The following BMPR1B variants were observed in gnomAD, a reference collection of about 807,000 sequenced individuals.
BMPR1B encodes the protein bone morphogenetic protein receptor type 1B, also known as bone morphogenetic protein receptor type-1B.
In BMPR1B, 12 loss-of-function variants were observed where a neutral mutation model predicts 59.1. The ratio of observed to expected loss-of-function variants is 0.20; its 90% CI spans 0.13 to 0.33. The LOEUF (loss-of-function observed/expected upper bound fraction) is 0.33. Ranked by LOEUF, BMPR1B falls within the 10% of genes least tolerant of loss-of-function variation. The pLI, the probability that BMPR1B is intolerant of heterozygous loss-of-function variation, is 1.00. For missense variants in BMPR1B, 550 were observed against 610.9 expected, an observed-to-expected ratio of 0.90 and a Z score of 1.05; for synonymous variants, 237 against 207.3, an observed-to-expected ratio of 1.14 and a Z score of -1.23.
At chr4:95,149,898 GCTT>G (rs1261130405) in intron 11 of BMPR1B, among the ~76,000 whole-genome samples, 10 of 152,296 alleles carry the variant, frequency 6.6e-5, no homozygotes, top group Non-Finnish European at 1.3e-4. Flanking sequence ...TATTGTATCT[GCTT>G]CTGTGGTTGT....
chr4:94,934,359 T>C (rs1158064326), intron 2 of BMPR1B, among the ~76,000 whole-genome samples: 3 of 152,090 alleles, frequency 2.0e-5, no homozygotes, highest in African/African-American at 7.2e-5. Context: ...ACTAATCAAC[T>C]GGAGTTTTTC....
intron 1 of BMPR1B, among the ~76,000 whole-genome samples, chr4:94,870,260 T>C (rs1009847431): frequency 6.6e-6 from 1 of 152,162 alleles, no homozygotes; most frequent in Non-Finnish European, 1.5e-5. Flanking sequence ...TCTTGAAGAA[T>C]AGGTTTTTGG....
rs143515189 is a variant in BMPR1B at position 95,146,318 on chromosome 4, T to A, written c.1077-2430T>A. On this transcript the variant is annotated intron_variant, in intron 10 of 12. Transcript: ENST00000515059. ...ACATTCAGAATCCTTGAGTGTATGT[T>A]TTTGCAGTGTTTGAGAAAAAGAATT... Among the ~76,000 whole-genome samples the A allele has an allele frequency of 1.1e-3, 169 of 152,296 alleles. 5 individuals carry two copies. In the East Asian group the frequency reaches 0.03, roughly 27 times the overall value.
At chr4:95,075,284 C>CT (rs1242688269) in intron 3 of BMPR1B, among the ~76,000 whole-genome samples, 4 of 152,230 alleles carry the variant, frequency 2.6e-5, no homozygotes, top group Admixed American at 2.6e-4. Flanking sequence ...TTCACAGTAA[C>CT]TTAGTAAATA....
intron 1 of BMPR1B, among the ~76,000 whole-genome samples, chr4:94,826,384 C>T (rs2110662767): frequency 7.8e-6 from 1 of 128,756 alleles, no homozygotes; most frequent in East Asian, 2.6e-4. Context: ...TGTTTTAAAG[C>T]TCACTCGGGC....
At chr4:94,813,659 T>C (rs1723903531) in intron 1 of BMPR1B, among the ~76,000 whole-genome samples, 1 of 152,084 alleles carries the variant, frequency 6.6e-6, no homozygotes, top group African/African-American at 2.4e-5. Flanking sequence ...TGTAAAAGGA[T>C]AGGTTGAGCC....
chr4:94,758,527 G>C (rs796691052), intron 1 of BMPR1B, among the ~76,000 whole-genome samples: 1 of 151,192 alleles, frequency 6.6e-6, no homozygotes. Context: ...GGAGCCCGGC[G>C]GGGCGGGGGC....
intron 3 of BMPR1B, among the ~76,000 whole-genome samples, chr4:95,081,887 C>T (rs866110787): frequency 6.6e-6 from 1 of 152,024 alleles, no homozygotes; most frequent in African/African-American, 2.4e-5. Flanking sequence ...TTAAATTAGA[C>T]GTTAAAGAGT....
intron 3 of BMPR1B, among the ~76,000 whole-genome samples, chr4:95,074,873 C>CGT (rs1728585609): frequency 6.6e-6 from 1 of 151,922 alleles, no homozygotes; most frequent in African/African-American, 2.4e-5. Context: ...AGAAAAGTTA[C>CGT]ATGCCTGCTC....
chr4:95,059,210 T>C (rs553026794), intron 3 of BMPR1B, among the ~76,000 whole-genome samples: 4 of 152,198 alleles, frequency 2.6e-5, no homozygotes, highest in African/African-American at 9.6e-5. Flanking sequence ...AAGAGTTCCA[T>C]TGTGACATGT....
Position 94,799,426 on chromosome 4 carries a change from C to T in BMPR1B, c.-183+41358C>T, listed in dbSNP as rs141712881. Among the ~76,000 whole-genome samples, 824 of 151,312 alleles carry T rather than the reference C, an allele frequency of 5.4e-3. 4 individuals are homozygous for T. The highest frequency in any genetic ancestry group is 0.019 in the African/African-American group (773 of 41,176). On this transcript the variant is annotated intron_variant, in intron 1 of 12. Coordinates refer to ENST00000515059, the MANE Select transcript of BMPR1B (RefSeq NM_001203.3). ...TCAAGTGATTCCTCTGTCTCAGCCT[C>T]CCAAGTAGCTGAGACTACAGGCACG...
At chr4:94,952,708 A>G (rs1006755468) in intron 2 of BMPR1B, among the ~76,000 whole-genome samples, 50 of 152,232 alleles carry the variant, frequency 3.3e-4, no homozygotes, top group East Asian at 1.4e-3. Flanking sequence ...AGTAAGTGCT[A>G]TGTGGTGCTG....
At chr4:94,947,167 G>T (rs118110096) in intron 2 of BMPR1B, among the ~76,000 whole-genome samples, 1 of 152,158 alleles carries the variant, frequency 6.6e-6, no homozygotes, top group Admixed American at 6.5e-5. Context: ...GTGTGTTTTT[G>T]TGATTCACTT....
At chr4:94,909,977 C>T (rs1347393592) in intron 2 of BMPR1B, among the ~76,000 whole-genome samples, 1 of 151,978 alleles carries the variant, frequency 6.6e-6, no homozygotes, top group African/African-American at 2.4e-5. Flanking sequence ...CCAACACCCT[C>T]ATAGGAAACT....
rs1404266992 is a variant in BMPR1B at position 94,996,070 on chromosome 4, G to T, written c.-82G>T. 2 of 152,106 alleles carry T rather than the reference G, an allele frequency of 1.3e-5. No homozygotes were observed. The highest frequency in any genetic ancestry group is 2.9e-5 in the Non-Finnish European group (2 of 68,010). The allele number at this position is 152,106 out of a possible 1,614,324, so 9.4% of individuals were successfully genotyped here. ...GACTTCTGCTGATTCATAACCATTT[G>T]GCTCTGAGCTATGACAAGAGAGGAA... On this transcript the variant is annotated 5_prime_UTR_variant, in exon 3 of 13. Coordinates refer to ENST00000515059, the MANE Select transcript of BMPR1B (RefSeq NM_001203.3).
chr4:94,884,674 C>T (rs1727105531), intron 2 of BMPR1B, among the ~76,000 whole-genome samples: 1 of 152,182 alleles, frequency 6.6e-6, no homozygotes, highest in East Asian at 1.9e-4. Context: ...AAGATGGCAT[C>T]TTATGAAATA....
rs1279414995 is a variant in BMPR1B at position 95,155,128 on chromosome 4, G to A, written c.*455G>A. Reference sequence around the variant, plus strand: ...GTTTTTCCATTGGTAAAATATTGTTGCACTCTGTGAACCAAAAGACAGTCT... The same window carrying A: ...GTTTTTCCATTGGTAAAATATTGTTACACTCTGTGAACCAAAAGACAGTCT... On this transcript the variant is annotated 3_prime_UTR_variant, in exon 13 of 13. Transcript: ENST00000515059. 1.1e-5 allele frequency: 2 copies of A among 181,600 alleles called. No homozygotes were observed. The highest frequency in any genetic ancestry group is 1.2e-5 in the Non-Finnish European group (1 of 85,572). 11.2% of individuals were successfully genotyped at this position (181,600 alleles called of 1,614,324 possible).
At chr4:94,881,176 T>C (rs1189035047) in intron 2 of BMPR1B, among the ~76,000 whole-genome samples, 2 of 152,208 alleles carry the variant, frequency 1.3e-5, no homozygotes, top group African/African-American at 4.8e-5. Context: ...CTTCTGCAAC[T>C]GAAACTGTAC....
chr4:95,016,374 G>T (rs1279988230), intron 3 of BMPR1B, among the ~76,000 whole-genome samples: 1 of 152,128 alleles, frequency 6.6e-6, no homozygotes, highest in African/African-American at 2.4e-5. Context: ...ACAAAATTAT[G>T]CATGGATGAG....
Sources: allele counts gnomAD v4.1 joint callset (sites outside exome capture counted in the v4.1 genomes callset), GRCh38; gene constraint gnomAD v4.1.1; transcripts MANE v1.5; gene names NCBI Gene and HGNC (gene_info 2026-07-23, HGNC 2026-07-21).